The following KLF12 variants were observed in gnomAD, a reference collection of about 807,000 sequenced individuals.
KLF12 encodes the protein Krueppel-like factor 12.
In KLF12, 9 loss-of-function variants were observed where a neutral mutation model predicts 37.8. The ratio of observed to expected loss-of-function variants is 0.24; its 90% confidence interval spans 0.14 to 0.42. KLF12 has a LOEUF of 0.42. KLF12 is among the 10% of genes least tolerant of loss of function. The pLI is 1.00. For missense variants in KLF12, 411 were observed against 516.0 expected, an observed-to-expected ratio of 0.80 and a Z score of 1.97; for synonymous variants, 208 against 202.1, an observed-to-expected ratio of 1.03 and a Z score of -0.25.
chr13:73,748,145 CA>C lies in KLF12; in HGVS notation c.869+16792del, dbSNP rs528264252. On this transcript the variant is annotated intron_variant, in intron 6 of 7. Transcript: ENST00000377669. ...TATTTACCACCAATATAACCAGGCA[CA>C]CCTGGGAGCAAATTACTGATTCCAG... Among the ~76,000 whole-genome samples the C allele has an allele frequency of 1.4e-4, 22 of 152,324 alleles. No individual in the cohort carries two copies. The East Asian group carries it at 4.2e-3, about 29-fold the overall frequency.
intron 1 of KLF12, among the ~76,000 whole-genome samples, chr13:74,030,102 C>A (rs1893076323): frequency 6.6e-6 from 1 of 151,930 alleles, no homozygotes; most frequent in African/African-American, 2.4e-5. Context: ...ACACTGATAG[C>A]CAAATATAAA....
chr13:74,076,149 TA>T (rs1393937708), intron 1 of KLF12, among the ~76,000 whole-genome samples: 1 of 152,184 alleles, frequency 6.6e-6, no homozygotes, highest in Non-Finnish European at 1.5e-5. Context: ...GTATGGTACA[TA>T]AATTATACCT....
rs185635213 is a variant in KLF12, at chr13:73,836,637, A to G, written c.670+9190T>C. Among the ~76,000 whole-genome samples the G allele has an allele frequency of 1.7e-4, 26 of 152,322 alleles. 1 individual carries two copies. The East Asian group carries it at 4.8e-3, about 28-fold the overall frequency. On this transcript the variant is annotated intron_variant, in intron 4 of 7. Coordinates refer to ENST00000377669, the MANE Select transcript of KLF12 (RefSeq NM_007249.5). ...TGTAGCATAACAGCACTTGTACTAT[A>G]TGAAATCAGAAGCATATTTAATAAG...
chr13:74,303,791 C>T, the KLF12 span, among the ~76,000 whole-genome samples: 1 of 152,202 alleles, frequency 6.6e-6, no homozygotes, highest in South Asian at 2.1e-4. Flanking sequence ...AATTGGAGCT[C>T]TACCTTGAAT....
rs187409199 is a variant in KLF12 at position 73,939,205 on chromosome 13, T to A, written c.123+4776A>T. ...CGGCAGATTCCTCAGACTTAGGAAA[T>A]AAACAGTGAGGGTGACTAAGAAATG... On this transcript the variant is annotated intron_variant, in intron 3 of 7. Coordinates refer to ENST00000377669, the MANE Select transcript of KLF12 (RefSeq NM_007249.5). 1.8e-3 allele frequency among the ~76,000 whole-genome samples: 272 copies of A among 152,292 alleles called. 4 individuals are homozygous for A. Among genetic ancestry groups the A allele is most frequent in the African/African-American group, 6.2e-3 (259 of 41,572 alleles).
At chr13:73,716,418 TAC>T (rs1365856620) in intron 6 of KLF12, among the ~76,000 whole-genome samples, 2 of 152,226 alleles carry the variant, frequency 1.3e-5, no homozygotes, top group South Asian at 2.1e-4. Flanking sequence ...CAAAATGTAC[TAC>T]AGTTAATATT....
At chr13:73,959,510 A>G (rs1015679245) in intron 2 of KLF12, among the ~76,000 whole-genome samples, 10 of 150,718 alleles carry the variant, frequency 6.6e-5, no homozygotes, top group South Asian at 2.1e-4. Context: ...TATAAAATAT[A>G]TATTATTTAT....
intron 2 of KLF12, among the ~76,000 whole-genome samples, chr13:73,980,005 G>A (rs1949607586): frequency 6.6e-6 from 1 of 152,124 alleles, no homozygotes; most frequent in African/African-American, 2.4e-5. Context: ...GGGGGCCTCA[G>A]AAAAAAATCC....
chr13:74,174,305 C>T, the KLF12 span, among the ~76,000 whole-genome samples: 1 of 149,658 alleles, frequency 6.7e-6, no homozygotes, highest in Non-Finnish European at 1.5e-5. Context: ...ATGGTACAGT[C>T]TTAGTCCTTT....
At chr13:73,717,235 C>G (rs1875885355) in intron 6 of KLF12, among the ~76,000 whole-genome samples, 1 of 152,170 alleles carries the variant, frequency 6.6e-6, no homozygotes, top group Non-Finnish European at 1.5e-5. Flanking sequence ...CTTTGGGAAG[C>G]TGAGGCAGGA....
At chr13:73,833,450 A>G (rs1426873384) in intron 4 of KLF12, among the ~76,000 whole-genome samples, 4 of 152,208 alleles carry the variant, frequency 2.6e-5, no homozygotes, top group Admixed American at 2.0e-4. Flanking sequence ...ATTCAAGAAC[A>G]CCAGGCGACT....
intron 6 of KLF12, among the ~76,000 whole-genome samples, chr13:73,733,600 T>G (rs1405019423): frequency 6.6e-6 from 1 of 152,196 alleles, no homozygotes; most frequent in Non-Finnish European, 1.5e-5. Context: ...CTAGGTTGTC[T>G]CTACCTTTTG....
the KLF12 span, among the ~76,000 whole-genome samples, chr13:74,274,884 T>A: frequency 6.6e-6 from 1 of 152,196 alleles, no homozygotes; most frequent in Non-Finnish European, 1.5e-5. Context: ...ATCAATTTTT[T>A]AAATTCCATT....
At chr13:73,977,155 C>A (rs1457550499) in intron 2 of KLF12, among the ~76,000 whole-genome samples, 1 of 151,658 alleles carries the variant, frequency 6.6e-6, no homozygotes, top group Non-Finnish European at 1.5e-5. Context: ...GGCTGAAGCA[C>A]CTCAGCCTCC....
the KLF12 span, among the ~76,000 whole-genome samples, chr13:74,269,858 A>C: frequency 1.3e-5 from 2 of 152,200 alleles, no homozygotes; most frequent in Admixed American, 6.5e-5. Flanking sequence ...ATATGGGAGA[A>C]GGGACACAAA....
chr13:73,786,741 AT>A (rs1241022341), intron 5 of KLF12, among the ~76,000 whole-genome samples: 1 of 139,548 alleles, frequency 7.2e-6, no homozygotes, highest in African/African-American at 2.7e-5. Context: ...TACGAAAAAA[AT>A]AAAAATTACA....
the KLF12 span, among the ~76,000 whole-genome samples, chr13:74,207,824 T>C: frequency 1.3e-5 from 2 of 152,210 alleles, no homozygotes; most frequent in East Asian, 3.9e-4. Flanking sequence ...TTTTATCTTA[T>C]CATGATCTCT....
chr13:74,024,176 T>C (rs1412517309), intron 1 of KLF12, among the ~76,000 whole-genome samples: 8 of 152,244 alleles, frequency 5.3e-5, no homozygotes, highest in Admixed American at 5.2e-4. Flanking sequence ...CAGTACCATA[T>C]TCTAATTTGG....
chr13:74,136,587 C>T (rs1804061766), upstream of KLF12, among the ~76,000 whole-genome samples: 1 of 152,080 alleles, frequency 6.6e-6, no homozygotes, highest in Non-Finnish European at 1.5e-5. Context: ...GCGGATAGAC[C>T]ATAAATATAT....
Sources: gnomAD v4.1 joint callset for allele counts (sites outside exome capture counted in the v4.1 genomes callset) on GRCh38, gnomAD v4.1.1 for gene constraint, MANE v1.5 for transcripts, NCBI Gene and HGNC (gene_info 2026-07-23, HGNC 2026-07-21) for gene names.